Variants in ATG2B observed in about 807,000 individuals in gnomAD.
ATG2B encodes the protein autophagy related 2B, also known as autophagy-related protein 2 homolog B.
Under a neutral mutation model 241.3 loss-of-function variants are expected in ATG2B, and 121 were observed. That is an observed-to-expected ratio of 0.50 (90% CI 0.43 to 0.58). ATG2B has a LOEUF of 0.58. Ranked by LOEUF, ATG2B falls within the 20% of genes least tolerant of loss-of-function variation. The pLI, the probability that ATG2B is intolerant of heterozygous loss-of-function variation, is 0.00. For synonymous variants in ATG2B, 858 were observed against 876.6 expected (o/e 0.98, Z 0.37); for missense variants, 2,306 against 2,491.6 (o/e 0.93, Z 1.59).
At chr14:96,312,046 A>C in intron 26 of ATG2B, 43 bp downstream of exon 26, 1 of 1,444,740 alleles carries the variant, frequency 6.9e-7, no homozygotes, top group Non-Finnish European at 9.7e-7. Flanking sequence ...ACGCACAAAA[A>C]TAAAGCAGAA....
Position 96,289,899 on chromosome 14 carries a change from C to T in ATG2B, c.5857-94G>A. On this transcript the variant is annotated intron_variant, in intron 40 of 41. Transcript: ENST00000359933. The surrounding 1 kb of genome is among the most constrained non-coding windows in gnomAD (Gnocchi z 4.3). ...ACTTCCTACAGGGAGTGAGGAAGAG[C>T]AGAGGAACTCACAAACCCTAATGAA... 1.6e-6 allele frequency: 2 copies of T among 1,288,096 alleles called. No homozygotes were observed. 79.8% of individuals were successfully genotyped at this position (1,288,096 alleles called of 1,614,324 possible).
intron 6 of ATG2B, among the ~76,000 whole-genome samples, chr14:96,339,838 C>T (rs1240511322): frequency 6.6e-6 from 1 of 151,412 alleles, no homozygotes; most frequent in Non-Finnish European, 1.5e-5. Context: ...AACTCATCTA[C>T]GTAACCAAAA....
intron 6 of ATG2B, among the ~76,000 whole-genome samples, chr14:96,340,105 T>TATATATATC (rs1887979615): frequency 4.5e-5 from 1 of 22,178 alleles, no homozygotes; most frequent in Non-Finnish European, 8.3e-5. Flanking sequence ...CTATATAGAA[T>TATATATATC]ATATGATATA....
rs549737223 is a variant in ATG2B at position 96,350,579 on chromosome 14, G to C, written c.163-3238C>G. Among the ~76,000 whole-genome samples, 173 of 152,300 alleles carry C rather than the reference G, an allele frequency of 1.1e-3. 1 individual carries two copies. The highest frequency in any genetic ancestry group is 2.2e-3 in the Non-Finnish European group (147 of 68,024). ...AAGAACGTAAATGCGATTTTTAAAA[G>C]ACAATTTACTTTTCAAATTAAAATA... On this transcript the variant is annotated intron_variant, in intron 1 of 41. Coordinates refer to ENST00000359933, the MANE Select transcript of ATG2B (RefSeq NM_018036.7).
chr14:96,358,198 G>T (rs578127846), intron 1 of ATG2B, among the ~76,000 whole-genome samples: 5 of 152,294 alleles, frequency 3.3e-5, no homozygotes, highest in South Asian at 2.1e-4. Flanking sequence ...AACTGGGGGG[G>T]GCTGAGGTGG....
At chr14:96,349,803 G>A (rs1254244754) in intron 1 of ATG2B, among the ~76,000 whole-genome samples, 2 of 152,104 alleles carry the variant, frequency 1.3e-5, no homozygotes, top group Non-Finnish European at 2.9e-5. Flanking sequence ...GAGGAAGCTG[G>A]AGCTTCCTCC....
chr14:96,351,584 G>A (rs4255722), intron 1 of ATG2B, among the ~76,000 whole-genome samples: 144,598 of 152,088 alleles, frequency 0.95, 69,259 homozygotes, highest in Non-Finnish European at 0.99. Context: ...AAAAGTACAA[G>A]AATTAGCCAG....
At chr14:96,300,940 A>C (rs893602346) in intron 34 of ATG2B, among the ~76,000 whole-genome samples, 3 of 152,218 alleles carry the variant, frequency 2.0e-5, no homozygotes, top group African/African-American at 7.2e-5. Context: ...ACTAATGAAC[A>C]TTATTCAACC....
In ATG2B at chr14:96,285,742, CAGTT is replaced by C. The variant is rs769135256; in HGVS notation, c.*9_*12del. On this transcript the variant is annotated 3_prime_UTR_variant, in exon 42 of 42. Coordinates refer to ENST00000359933, the MANE Select transcript of ATG2B (RefSeq NM_018036.7). This position sits in a 1 kb window ranked among gnomAD's most constrained non-coding sequence, Gnocchi z 4.2. ...TCCACTCTCCTTATCTTCACACTGT[CAGTT>C]CCAAGCCATCAGTCATCCCCGTGGC... 1 of 1,612,036 alleles carries C rather than the reference CAGTT, an allele frequency of 6.2e-7. No individual in the cohort carries two copies. Among genetic ancestry groups the C allele is most frequent in the South Asian group, 1.1e-5 (1 of 90,946 alleles).
chr14:96,304,416 A>G, intron 32 of ATG2B, 79 bp downstream of exon 32: 2 of 1,046,882 alleles, frequency 1.9e-6, no homozygotes, highest in Admixed American at 3.7e-5. Context: ...AAGGCTCAAG[A>G]CTACGTGGTG....
At chr14:96,297,989 C>T (rs1855970575) in intron 34 of ATG2B, among the ~76,000 whole-genome samples, 1 of 151,786 alleles carries the variant, frequency 6.6e-6, no homozygotes, top group Non-Finnish European at 1.5e-5. Context: ...GAAACAAGAT[C>T]TCACTATGTT....
rs1465752685 is a variant in ATG2B at position 96,329,562 on chromosome 14, A to G, written c.1803T>C (p.Asp601=). ...QRSASRYFST[D]MSIGQMEFLE... ...AAAATTCCATTTGCCCAATGGACAT[A>G]TCAGTACTAAAATATCGGGAAGCTG... The change falls in exon 12 of 42, where the codon GAT becomes GAC. Residue 601 remains aspartate, a synonymous_variant. Transcript: ENST00000359933. 6.2e-7 allele frequency: 1 copy of G among 1,610,776 alleles called. No homozygotes were observed. Among genetic ancestry groups the G allele is most frequent in the Non-Finnish European group, 8.5e-7 (1 of 1,177,224 alleles).
At chr14:96,311,841 G>A (rs1295147217) in intron 26 of ATG2B, among the ~76,000 whole-genome samples, 1 of 152,040 alleles carries the variant, frequency 6.6e-6, no homozygotes, top group South Asian at 2.1e-4. Flanking sequence ...AGTATATATA[G>A]TAATTTGATG....
At chr14:96,355,179 C>CT (rs1295956151) in intron 1 of ATG2B, among the ~76,000 whole-genome samples, 1 of 152,152 alleles carries the variant, frequency 6.6e-6, no homozygotes. Context: ...GTTGCAATTG[C>CT]TTTTTGCTTC....
chr14:96,286,965 T>C (rs894922418), intron 41 of ATG2B, among the ~76,000 whole-genome samples: 1 of 152,018 alleles, frequency 6.6e-6, no homozygotes, highest in Admixed American at 6.6e-5. Context: ...ATAAAAAAGA[T>C]GTCCAGAAGG....
At position 96,290,252 on chromosome 14, in the gene ATG2B, C is replaced by T; in HGVS notation, c.5856+184G>A. The T allele has an allele frequency of 1.6e-6, 2 of 1,251,208 alleles. No individual in the cohort carries two copies. The highest frequency in any genetic ancestry group is 3.8e-5 in the South Asian group (2 of 52,556). The allele number at this position is 1,251,208 out of a possible 1,614,324, so 77.5% of individuals were successfully genotyped here. ...ACAAATCTGACACTGTATTCCACTG[C>T]TTTATTCTAATTATTTAACACTAAA... On this transcript the variant is annotated intron_variant, in intron 40 of 41. Coordinates refer to ENST00000359933, the MANE Select transcript of ATG2B (RefSeq NM_018036.7). This position sits in a 1 kb window ranked among gnomAD's most constrained non-coding sequence, Gnocchi z 4.4.
In ATG2B at chr14:96,325,989, C is replaced by G; in HGVS notation, c.2164-67G>C. ...AAATGAACATAAATTACACAGTATTCAACATTACAATATGTATAATCACTA... is the reference window on the plus strand; with the variant it reads ...AAATGAACATAAATTACACAGTATTGAACATTACAATATGTATAATCACTA... On this transcript the variant is annotated intron_variant, in intron 14 of 41. Transcript: ENST00000359933. 3.4e-6 allele frequency: 5 copies of G among 1,451,200 alleles called. No individual in the cohort carries two copies. The Admixed American group carries it at 9.7e-5, about 28-fold the overall frequency. The allele number at this position is 1,451,200 out of a possible 1,614,324, so 89.9% of individuals were successfully genotyped here. A position where few individuals can be genotyped will look rare whatever the true frequency, so the allele number is the denominator to read the frequency against.
In ATG2B at chr14:96,282,319, CTTCCT is replaced by C. The variant is rs1287622704; in HGVS notation, c.*3431_*3435del. On this transcript the variant is annotated 3_prime_UTR_variant, in exon 42 of 42. Transcript: ENST00000359933. ...ATATTGCTTTGTGTTTGCACAGTCC[CTTCCT>C]TTCAAGGAACTTAAAGAACTTGATG... is the stretch of plus-strand genomic sequence containing the variant. The C allele has an allele frequency of 6.6e-6, 1 of 152,218 alleles. No homozygotes were observed. The highest frequency in any genetic ancestry group is 1.5e-5 in the Non-Finnish European group (1 of 68,050). The allele number at this position is 152,218 out of a possible 1,614,324, so 9.4% of individuals were successfully genotyped here. A position where few individuals can be genotyped will look rare whatever the true frequency, so the allele number is the denominator to read the frequency against.
rs367930759 is a variant in ATG2B, at chr14:96,334,478, G to A, written c.948C>T (p.Asp316=). 8.1e-6 allele frequency: 13 copies of A among 1,601,364 alleles called. No homozygotes were observed. The East Asian group carries it at 2.7e-4, about 33-fold the overall frequency. ...GAKLDVDGQI[D]SIHLLLSPRQ... ...TTGGTGACAGGAGTAGATGAATAGA[G>A]TCTATCTGTCCATCAACATCCAACT... The change falls in exon 7 of 42, where the codon GAC becomes GAT. Residue 316 remains aspartate, a synonymous_variant. Transcript: ENST00000359933.
Sources: allele counts gnomAD v4.1 joint callset (sites outside exome capture counted in the v4.1 genomes callset), GRCh38; gene constraint gnomAD v4.1.1; non-coding constraint Gnocchi (gnomAD v3.1); transcripts MANE v1.5; gene names NCBI Gene and HGNC (gene_info 2026-07-23, HGNC 2026-07-21).